RPS15A: variants seen among roughly 807,000 people sequenced by gnomAD.
The protein encoded by RPS15A is small ribosomal subunit protein uS8.
For missense variants in RPS15A, 62 were observed against 163.4 expected, an observed-to-expected ratio of 0.38 and a Z score of 3.38; for synonymous variants, 55 against 58.5, an observed-to-expected ratio of 0.94 and a Z score of 0.27.
At chr16:18,783,134 T>G (rs1043540154) in intron 4 of RPS15A, 32 bp from the exon 5 acceptor site, 6 of 1,435,270 alleles carry the variant, frequency 4.2e-6, no homozygotes, top group South Asian at 2.3e-5. Flanking sequence ...TGCTGGTAAG[T>G]TTAATAGTTC....
At chr16:18,789,172 A>C in intron 1 of RPS15A, 54 bp from the exon 2 acceptor site, 12 of 1,547,976 alleles carry the variant, frequency 7.8e-6, no homozygotes, top group Non-Finnish European at 1.1e-5. Context: ...ACATCAACAG[A>C]CACCAACCAT....
At chr16:18,788,266 G>A (rs2029932665) in intron 2 of RPS15A, 124 bp from the exon 3 acceptor site, 1 of 667,632 alleles carries the variant, frequency 1.5e-6, no homozygotes. Flanking sequence ...AAAAAGTTGG[G>A]GGGAAGACAG....
At chr16:18,787,711 G>A (rs2029913613) in intron 3 of RPS15A, among the ~76,000 whole-genome samples, 1 of 152,172 alleles carries the variant, frequency 6.6e-6, no homozygotes, top group Admixed American at 6.5e-5. Flanking sequence ...TCACTGAGAG[G>A]AAGGACACAG....
At position 18,789,159 on chromosome 16, in the gene RPS15A, C is replaced by T. The variant is rs368672359; in HGVS notation, c.-5-41G>A. Reference sequence around the variant, plus strand: ...AAAACAGGAGGTTTTACTGGCATTGCCAACATCAACAGACACCAACCATTA... The same window carrying T: ...AAAACAGGAGGTTTTACTGGCATTGTCAACATCAACAGACACCAACCATTA... On this transcript the variant is annotated intron_variant, in intron 1 of 4. Transcript: ENST00000322989. The T allele has an allele frequency of 2.8e-5, 44 of 1,577,980 alleles. No individual in the cohort carries two copies. In the African/African-American group the frequency reaches 5.1e-4, roughly 18 times the overall value.
At chr16:18,783,693 CA>C in intron 4 of RPS15A, 1 of 456,020 alleles carries the variant, frequency 2.2e-6, no homozygotes, top group Non-Finnish European at 4.4e-6. Context: ...GCACCAGACG[CA>C]TAATTTGGAG....
At chr16:18,786,551 G>C (rs1449315222) in intron 3 of RPS15A, 1 of 152,778 alleles carries the variant, frequency 6.5e-6, no homozygotes, top group Non-Finnish European at 1.5e-5. Flanking sequence ...GCTGAGGTGG[G>C]AGGATCACTT....
chr16:18,789,842 A>G (rs967175602), intron 1 of RPS15A: 2 of 152,272 alleles, frequency 1.3e-5, no homozygotes, highest in African/African-American at 2.4e-5. Context: ...TGCGGCCCAG[A>G]AGATCCAAGT....
intron 3 of RPS15A, among the ~76,000 whole-genome samples, chr16:18,787,093 G>A (rs113112819): frequency 1.6e-4 from 25 of 152,308 alleles, no homozygotes; most frequent in African/African-American, 5.8e-4. Flanking sequence ...TCAAACTCCT[G>A]ACCTCGTGAT....
chr16:18,788,191 C>T, intron 2 of RPS15A, 49 bp from the exon 3 acceptor site: 1 of 1,186,780 alleles, frequency 8.4e-7, no homozygotes, highest in Non-Finnish European at 1.3e-6. Context: ...AACTTGAGAG[C>T]TAAACCTCTG....
In RPS15A at chr16:18,781,303, AT is replaced by A. The variant is rs1903962773; in HGVS notation, c.*1705del. 1 of 147,886 alleles carries A rather than the reference AT, an allele frequency of 6.8e-6. No individual in the cohort carries two copies. The highest frequency in any genetic ancestry group is 6.9e-5 in the Admixed American group (1 of 14,556). The allele number at this position is 147,886 out of a possible 1,614,324, so 9.2% of individuals were successfully genotyped here. A position where few individuals can be genotyped will look rare whatever the true frequency, so the allele number is the denominator to read the frequency against. On this transcript the variant is annotated 3_prime_UTR_variant, in exon 5 of 5. Transcript: ENST00000322989. The stretch of plus-strand genomic sequence containing the variant: ...GGTGACAACAAATGGAGCCATTTTC[AT>A]ATCCTATTTTATTTTTGAAGTCAGT...
At chr16:18,788,417 CT>C (rs2029936782) in intron 2 of RPS15A, 1 of 420,638 alleles carries the variant, frequency 2.4e-6, no homozygotes, top group African/African-American at 2.0e-5. Context: ...CCAAAGACTA[CT>C]TTGTGCCAAA....
chr16:18,783,297 CAG>C lies in RPS15A; in HGVS notation c.300-197_300-196del. The C allele has an allele frequency of 1.3e-5, 7 of 544,260 alleles. No individual in the cohort carries two copies. The Middle Eastern group carries it at 1.9e-3, about 152-fold the overall frequency. The allele number at this position is 544,260 out of a possible 1,614,324, so 33.7% of individuals were successfully genotyped here. ...CTCCTGCAACCCAAAGAGCCAAATC[CAG>C]AGAGCCCAGCCACACAATCACACAG... is the stretch of plus-strand genomic sequence containing the variant. On this transcript the variant is annotated intron_variant, in intron 4 of 4. Transcript: ENST00000322989.
chr16:18,788,937 A>T, intron 2 of RPS15A, 44 bp downstream of exon 2: 1 of 1,583,324 alleles, frequency 6.3e-7, no homozygotes, highest in Non-Finnish European at 8.6e-7. Context: ...GATTTCTTAG[A>T]GAGTCTCACA....
At chr16:18,787,031 G>A (rs2141860287) in intron 3 of RPS15A, among the ~76,000 whole-genome samples, 1 of 152,216 alleles carries the variant, frequency 6.6e-6, no homozygotes, top group South Asian at 2.1e-4. Context: ...CGCCTGGCTA[G>A]TTTTTCTATT....
intron 3 of RPS15A, 141 bp from the exon 4 acceptor site, chr16:18,784,964 A>C (rs1340730539): frequency 3.3e-6 from 2 of 603,908 alleles, no homozygotes; most frequent in African/African-American, 3.8e-5. Context: ...TTCTGTGCAC[A>C]ATGCTTGACA....
chr16:18,788,161 TG>T lies in RPS15A; in HGVS notation c.134-20del. ...ATGTAACCTACAAAAGATAACTGAC[TG>T]GATTAAATAAAAGACATCAACTTGA... On this transcript the variant is annotated intron_variant, in intron 2 of 4. Coordinates refer to ENST00000322989, the MANE Select transcript of RPS15A (RefSeq NM_001019.5). 6.6e-7 allele frequency: 1 copy of T among 1,514,206 alleles called. No individual in the cohort carries two copies. Among genetic ancestry groups the T allele is most frequent in the Non-Finnish European group, 9.2e-7 (1 of 1,090,498 alleles). The allele number at this position is 1,514,206 out of a possible 1,614,324, so 93.8% of individuals were successfully genotyped here.
intron 3 of RPS15A, chr16:18,785,207 G>C (rs186026065): frequency 1.2e-5 from 2 of 163,150 alleles, no homozygotes; most frequent in African/African-American, 4.8e-5. Flanking sequence ...TAAAATCATA[G>C]GGTCTCAAAT....
chr16:18,788,948 T>C (rs747609226), intron 2 of RPS15A, 33 bp downstream of exon 2: 4 of 1,597,132 alleles, frequency 2.5e-6, no homozygotes, highest in South Asian at 2.3e-5. Flanking sequence ...GAGTCTCACA[T>C]GAAAACATAA....
intron 2 of RPS15A, 34 bp downstream of exon 2, chr16:18,788,947 A>G (rs780859711): frequency 1.3e-6 from 2 of 1,596,718 alleles, no homozygotes; most frequent in South Asian, 1.1e-5. Context: ...AGAGTCTCAC[A>G]TGAAAACATA....
Sources: allele counts gnomAD v4.1 joint callset (sites outside exome capture counted in the v4.1 genomes callset), GRCh38; gene constraint gnomAD v4.1.1; transcripts MANE v1.5; gene names NCBI Gene and HGNC (gene_info 2026-07-23, HGNC 2026-07-21).